The following RNF220 variants were observed in gnomAD, a reference collection of about 807,000 sequenced individuals.
RNF220 encodes ring finger protein 220, also known as E3 ubiquitin-protein ligase RNF220.
A neutral mutation model predicts 67.1 loss-of-function variants in RNF220; 7 were observed. The observed-to-expected ratio is 0.10, with a 90% confidence interval of 0.06 to 0.20. The LOEUF is 0.20. Among genes scored for constraint, RNF220 ranks in the 10% least tolerant of loss-of-function variants. RNF220 has a pLI of 1.00. For missense variants in RNF220, 565 were observed against 740.3 expected, an observed-to-expected ratio of 0.76 and a Z score of 2.75; for synonymous variants, 270 against 283.2, an observed-to-expected ratio of 0.95 and a Z score of 0.47.
chr1:44,480,871 G>T (rs1283928142), intron 2 of RNF220, among the ~76,000 whole-genome samples: 1 of 152,154 alleles, frequency 6.6e-6, no homozygotes, highest in Non-Finnish European at 1.5e-5. Flanking sequence ...GGGCAACAGA[G>T]TGAGACTCCG....
chr1:44,425,321 C>G (rs1416150442), intron 2 of RNF220, among the ~76,000 whole-genome samples: 2 of 152,146 alleles, frequency 1.3e-5, no homozygotes, highest in African/African-American at 2.4e-5. Flanking sequence ...GTGCCTCTCC[C>G]ATGGGCCCAT....
At chr1:44,569,495 A>G (rs1664276711) in intron 2 of RNF220, among the ~76,000 whole-genome samples, 1 of 152,196 alleles carries the variant, frequency 6.6e-6, no homozygotes, top group Non-Finnish European at 1.5e-5. Context: ...AATCTTTTAG[A>G]CTTTATATAA....
At position 44,600,273 on chromosome 1, in the gene RNF220, T is replaced by C. The variant is rs999173820; in HGVS notation, c.626-13892T>C. 3.3e-5 allele frequency among the ~76,000 whole-genome samples: 5 copies of C among 152,154 alleles called. No individual in the cohort carries two copies. The highest frequency in any genetic ancestry group is 7.3e-5 in the Non-Finnish European group (5 of 68,032). On this transcript the variant is annotated intron_variant, in intron 2 of 14. Coordinates refer to ENST00000361799, the MANE Select transcript of RNF220 (RefSeq NM_018150.4). The surrounding 1 kb of genome is among the most constrained non-coding windows in gnomAD (Gnocchi z 4.0). Reference sequence around the variant, plus strand: ...AGCATCTTCTACGCAGTGTTGTACGTGGCTCAGATTGGAGGTACAGGCTGA... The same window carrying C: ...AGCATCTTCTACGCAGTGTTGTACGCGGCTCAGATTGGAGGTACAGGCTGA...
rs995936358 is a variant in RNF220, at chr1:44,565,546, C to T, written c.626-48619C>T. Among the ~76,000 whole-genome samples the T allele has an allele frequency of 1.1e-4, 16 of 152,190 alleles. No homozygotes were observed. Among genetic ancestry groups the T allele is most frequent in the Admixed American group, 4.6e-4 (7 of 15,284 alleles). ...CTCAGCGCTAATGCCCCCAGCCTAA[C>T]ACAATTACCCCTTCCTTCTCCCTCA... is the stretch of plus-strand genomic sequence containing the variant. On this transcript the variant is annotated intron_variant, in intron 2 of 14. Coordinates refer to ENST00000361799, the MANE Select transcript of RNF220 (RefSeq NM_018150.4). The surrounding 1 kb of genome is among the most constrained non-coding windows in gnomAD (Gnocchi z 4.2).
intron 2 of RNF220, among the ~76,000 whole-genome samples, chr1:44,594,697 G>A (rs961975145): frequency 2.0e-5 from 3 of 152,184 alleles, no homozygotes; most frequent in Admixed American, 6.6e-5. Context: ...GGGGGCATTC[G>A]GTCTTGGGAC....
intron 2 of RNF220, among the ~76,000 whole-genome samples, chr1:44,525,925 C>T (rs1660335739): frequency 6.6e-6 from 1 of 152,192 alleles, no homozygotes; most frequent in Admixed American, 6.5e-5. Context: ...TCTCCTTCCT[C>T]ACTCCCACTG....
At chr1:44,631,938 C>G (rs1644142132) in intron 5 of RNF220, 1 of 989,102 alleles carries the variant, frequency 1.0e-6, no homozygotes. Flanking sequence ...CTTTCACCCC[C>G]AGCGCGCGAC....
In RNF220 at chr1:44,621,929, C is replaced by T. The variant is rs184054285; in HGVS notation, c.759-813C>T. Among the ~76,000 whole-genome samples, 1 of 152,248 alleles carries T rather than the reference C, an allele frequency of 6.6e-6. No homozygotes were observed. The highest frequency in any genetic ancestry group is 2.4e-5 in the African/African-American group (1 of 41,530). On this transcript the variant is annotated intron_variant, in intron 3 of 14. Coordinates refer to ENST00000361799, the MANE Select transcript of RNF220 (RefSeq NM_018150.4). The surrounding 1 kb of genome is among the most constrained non-coding windows in gnomAD (Gnocchi z 4.8). ...GTGTGAGTGCACGCGCATGAATGTG[C>T]GAGCACAGATGTGGCAAGCGTAGTG...
chr1:44,520,458 T>G (rs1659846876), intron 2 of RNF220, among the ~76,000 whole-genome samples: 2 of 152,078 alleles, frequency 1.3e-5, no homozygotes, highest in African/African-American at 4.8e-5. Flanking sequence ...AGAGCGAGAC[T>G]CCGTCTCAAA....
At chr1:44,507,133 A>G (rs1416031102) in intron 2 of RNF220, among the ~76,000 whole-genome samples, 1 of 152,158 alleles carries the variant, frequency 6.6e-6, no homozygotes, top group African/African-American at 2.4e-5. Flanking sequence ...ATCAGGGCAG[A>G]CCACAGGCTG....
intron 2 of RNF220, among the ~76,000 whole-genome samples, chr1:44,527,833 G>A (rs376586946): frequency 3.6e-5 from 5 of 139,222 alleles, no homozygotes; most frequent in East Asian, 4.7e-4. Flanking sequence ...GGCTGAGGCA[G>A]GAGAATCTCT....
At chr1:44,538,699 T>C (rs1463258299) in intron 2 of RNF220, among the ~76,000 whole-genome samples, 2 of 152,112 alleles carry the variant, frequency 1.3e-5, no homozygotes, top group Non-Finnish European at 2.9e-5. Context: ...GTGGATCACC[T>C]GAGGTCAGGA....
intron 8 of RNF220, among the ~76,000 whole-genome samples, chr1:44,637,051 C>T (rs975016936): frequency 2.0e-5 from 3 of 152,264 alleles, no homozygotes; most frequent in African/African-American, 7.2e-5. Flanking sequence ...AGCCAATCTG[C>T]TTCCCGTCTG....
At chr1:44,530,458 T>C (rs1244192650) in intron 2 of RNF220, among the ~76,000 whole-genome samples, 2 of 151,566 alleles carry the variant, frequency 1.3e-5, no homozygotes, top group African/African-American at 2.4e-5. Flanking sequence ...AGTTTCAACA[T>C]TTTTACGTAG....
chr1:44,486,826 G>A (rs1656352470), intron 2 of RNF220, among the ~76,000 whole-genome samples: 1 of 152,150 alleles, frequency 6.6e-6, no homozygotes, highest in African/African-American at 2.4e-5. Context: ...GTCTCCAGGA[G>A]TCAATCTTCA....
chr1:44,641,026 A>C (rs958548264), intron 8 of RNF220, among the ~76,000 whole-genome samples: 7 of 152,144 alleles, frequency 4.6e-5, no homozygotes, highest in Admixed American at 3.3e-4. Flanking sequence ...CATCTGATCA[A>C]TTGATTAAAT....
chr1:44,520,559 A>T (rs1434642693), intron 2 of RNF220, among the ~76,000 whole-genome samples: 2 of 152,196 alleles, frequency 1.3e-5, no homozygotes, highest in Non-Finnish European at 1.5e-5. Context: ...GGTTTCCCTG[A>T]CACATTTTGC....
intron 2 of RNF220, among the ~76,000 whole-genome samples, chr1:44,480,644 G>A (rs1384088676): frequency 6.6e-6 from 1 of 152,148 alleles, no homozygotes; most frequent in Non-Finnish European, 1.5e-5. Context: ...GCTCACGCCT[G>A]TAATCCCAAC....
At chr1:44,416,428 G>A (rs1476559727) in intron 2 of RNF220, among the ~76,000 whole-genome samples, 1 of 152,238 alleles carries the variant, frequency 6.6e-6, no homozygotes, top group Non-Finnish European at 1.5e-5. Flanking sequence ...AGTATTGTCT[G>A]CTGTCTTGTG....
Sources: gnomAD v4.1 joint callset for allele counts (sites outside exome capture counted in the v4.1 genomes callset) on GRCh38, gnomAD v4.1.1 for gene constraint, Gnocchi (gnomAD v3.1) non-coding constraint, MANE v1.5 for transcripts, NCBI Gene and HGNC (gene_info 2026-07-23, HGNC 2026-07-21) for gene names.